GRIN2B: variants seen among roughly 807,000 people sequenced by gnomAD.
GRIN2B encodes the protein glutamate receptor ionotropic, NMDA 2B.
A neutral mutation model predicts 114.5 loss-of-function variants in GRIN2B; 5 were observed. The observed-to-expected ratio is 0.04, with a 90% CI of 0.02 to 0.09. The LOEUF (loss-of-function observed/expected upper bound fraction) is 0.09, where lower values mean the gene tolerates loss of function less well. GRIN2B is among the 10% of genes least tolerant of loss of function. GRIN2B has a pLI of 1.00. For synonymous variants in GRIN2B, 787 were observed against 745.1 expected, an observed-to-expected ratio of 1.06 and a Z score of -0.92; for missense variants, 1,108 against 1,943.5, an observed-to-expected ratio of 0.57 and a Z score of 8.08.
intron 10 of GRIN2B, among the ~76,000 whole-genome samples, chr12:13,574,283 A>G (rs1054048334): frequency 1.7e-4 from 26 of 152,232 alleles, no homozygotes; most frequent in South Asian, 6.2e-4. Flanking sequence ...TGCTTTGCAT[A>G]CCACTATCAA....
At chr12:13,794,848 A>T (rs911348643) in intron 3 of GRIN2B, among the ~76,000 whole-genome samples, 1 of 152,228 alleles carries the variant, frequency 6.6e-6, no homozygotes, top group Non-Finnish European at 1.5e-5. Context: ...CCAGATGGAC[A>T]CCAAGCTACC....
chr12:13,978,334 C>T lies in GRIN2B; in HGVS notation c.-19+1594G>A, dbSNP rs547862747. 3.9e-5 allele frequency among the ~76,000 whole-genome samples: 6 copies of T among 152,270 alleles called. No homozygotes were observed. In the South Asian group the frequency reaches 1.0e-3, roughly 26 times the overall value. On this transcript the variant is annotated intron_variant, in intron 2 of 13. Transcript: ENST00000609686. ...CCAGATAACCTCAGTCATTTGTAGA[C>T]GTGGTGAGAACATGGTTCAAAGTGG...
intron 5 of GRIN2B, among the ~76,000 whole-genome samples, chr12:13,623,044 T>C (rs1484980383): frequency 6.6e-6 from 1 of 152,344 alleles, no homozygotes; most frequent in Admixed American, 6.5e-5. Context: ...CATCTACATA[T>C]ATACAAAGAA....
intron 4 of GRIN2B, among the ~76,000 whole-genome samples, chr12:13,717,066 C>CGCGTGTGTGT (rs200897660): frequency 6.9e-6 from 1 of 145,922 alleles, no homozygotes; most frequent in Non-Finnish European, 1.5e-5. Flanking sequence ...ATGCCATACG[C>CGCGTGTGTGT]GTGTGTGTGT....
At chr12:13,739,374 C>CAAAAAAAAAAAAAAAAAAAAAAAAA (rs34320563) in intron 4 of GRIN2B, among the ~76,000 whole-genome samples, 2 of 59,364 alleles carry the variant, frequency 3.4e-5, no homozygotes, top group African/African-American at 7.3e-5. Flanking sequence ...AACTCCGTCT[C>CAAAAAAAAAAAAAAAAAAAAAAAAA]AAAAAAAAAA....
chr12:13,569,735 G>T, intron 12 of GRIN2B, 95 bp downstream of exon 12: 2 of 813,718 alleles, frequency 2.5e-6, no homozygotes, highest in Non-Finnish European at 4.0e-6. Context: ...TTCCGGAAAT[G>T]CACAGGTTAA....
intron 10 of GRIN2B, among the ~76,000 whole-genome samples, chr12:13,606,157 G>A (rs1010814260): frequency 6.6e-6 from 1 of 152,166 alleles, no homozygotes; most frequent in African/African-American, 2.4e-5. Context: ...CATGTTTTAG[G>A]GTGGTGCGTT....
At chr12:13,833,252 C>T (rs562702717) in intron 3 of GRIN2B, among the ~76,000 whole-genome samples, 1 of 152,184 alleles carries the variant, frequency 6.6e-6, no homozygotes, top group Non-Finnish European at 1.5e-5. Flanking sequence ...ATCACTAAAA[C>T]ATCTCACAAT....
At chr12:13,664,095 C>T (rs1949951503) in intron 5 of GRIN2B, among the ~76,000 whole-genome samples, 1 of 152,068 alleles carries the variant, frequency 6.6e-6, no homozygotes, top group Admixed American at 6.6e-5. Context: ...CAGAGGTGAC[C>T]AAAATATGGT....
chr12:13,771,483 T>TA (rs370470487), intron 3 of GRIN2B, among the ~76,000 whole-genome samples: 152 of 147,546 alleles, frequency 1.0e-3, no homozygotes, highest in African/African-American at 1.9e-3. Flanking sequence ...ATTGCTGCTA[T>TA]AAAAAAAAAA....
In GRIN2B at chr12:13,544,438, T is replaced by G. The variant is rs1465356073; in HGVS notation, c.*18345A>C. On this transcript the variant is annotated 3_prime_UTR_variant, in exon 14 of 14. Transcript: ENST00000609686. ...TACTCATTCTCTAGTTCCAGTATCATGGCTTCAAATACCAACCAAACGCAT... is the reference window on the plus strand; with the variant it reads ...TACTCATTCTCTAGTTCCAGTATCAGGGCTTCAAATACCAACCAAACGCAT... 1 of 152,216 alleles carries G rather than the reference T, an allele frequency of 6.6e-6. No individual in the cohort carries two copies. The allele number at this position is 152,216 out of a possible 1,614,324, so 9.4% of individuals were successfully genotyped here. A position where few individuals can be genotyped will look rare whatever the true frequency, so the allele number is the denominator to read the frequency against.
chr12:13,920,912 T>C (rs1290999540), intron 2 of GRIN2B, among the ~76,000 whole-genome samples: 2 of 152,168 alleles, frequency 1.3e-5, no homozygotes, highest in South Asian at 4.1e-4. Context: ...TCCTGACTAA[T>C]ACATTAGTCT....
At chr12:13,757,294 A>G (rs1484252627) in intron 3 of GRIN2B, among the ~76,000 whole-genome samples, 1 of 152,216 alleles carries the variant, frequency 6.6e-6, no homozygotes, top group Non-Finnish European at 1.5e-5. Context: ...TATGGTATAC[A>G]GTGATCAGGA....
intron 5 of GRIN2B, among the ~76,000 whole-genome samples, chr12:13,625,483 ATC>A (rs1431066966): frequency 6.6e-6 from 1 of 152,160 alleles, no homozygotes; most frequent in African/African-American, 2.4e-5. Context: ...GAATTATTTA[ATC>A]TCTCTGTGCC....
intron 2 of GRIN2B, among the ~76,000 whole-genome samples, chr12:13,878,796 T>C (rs893358257): frequency 6.6e-6 from 1 of 152,198 alleles, no homozygotes; most frequent in Admixed American, 6.5e-5. Flanking sequence ...CTGAAGACTA[T>C]TTCAAGAGAA....
intron 4 of GRIN2B, among the ~76,000 whole-genome samples, chr12:13,703,852 A>G (rs543081460): frequency 6.6e-6 from 1 of 152,328 alleles, no homozygotes; most frequent in Admixed American, 6.5e-5. Flanking sequence ...AAAAATACAT[A>G]CAGCAAATGT....
intron 2 of GRIN2B, among the ~76,000 whole-genome samples, chr12:13,923,735 A>G (rs1192123216): frequency 1.3e-5 from 2 of 152,118 alleles, no homozygotes; most frequent in Non-Finnish European, 2.9e-5. Flanking sequence ...GCTTGGGGCT[A>G]AAAGAAGCTC....
At chr12:13,731,813 A>T (rs754532603) in intron 4 of GRIN2B, among the ~76,000 whole-genome samples, 2 of 151,756 alleles carry the variant, frequency 1.3e-5, no homozygotes, top group Non-Finnish European at 2.9e-5. Context: ...CCCCATCTTG[A>T]TTTACTCTTT....
chr12:13,611,788 C>A lies in GRIN2B; in HGVS notation c.1717G>T (p.Ala573Ser). 6.2e-7 allele frequency: 1 copy of A among 1,613,158 alleles called. No homozygotes were observed. Among genetic ancestry groups the A allele is most frequent in the South Asian group, 1.1e-5 (1 of 91,070 alleles). Residue 573 changes from alanine (A) to serine (S), a missense_variant, in exon 9 of 14, where the codon GCT becomes TCT. By Grantham distance (99) the Ala-to-Ser change is moderately conservative. Around this residue, in one of 19 missense-constraint regions of GRIN2B, gnomAD observed 24 missense variants for 38.1 expected, o/e 0.63. Transcript: ENST00000609686. ...FVMLLIVSAV[A>S]VFVFEYFSPV... ...CTGAAGTACTCAAAGACAAAGACAG[C>A]CACGGCTGAGACGATGAGCAGCATC...
Sources: gnomAD v4.1 joint callset for allele counts (sites outside exome capture counted in the v4.1 genomes callset) on GRCh38, gnomAD v4.1.1 for gene constraint, gnomAD v4.1.1 regional missense constraint, MANE v1.5 for transcripts, NCBI Gene and HGNC (gene_info 2026-07-23, HGNC 2026-07-21) for gene names.